Variants in SLIT1 observed in about 807,000 individuals in gnomAD.
SLIT1 encodes the protein slit homolog 1 protein.
A neutral mutation model predicts 186.1 loss-of-function variants in SLIT1; 66 were observed. That is an observed-to-expected ratio of 0.35 (90% CI 0.29 to 0.44). The LOEUF (loss-of-function observed/expected upper bound fraction) is 0.44. SLIT1 is among the 20% of genes least tolerant of loss of function. The pLI, the probability that SLIT1 is intolerant of heterozygous loss-of-function variation, is 1.00. For missense variants in SLIT1, 1,638 were observed against 2,037.4 expected, an observed-to-expected ratio of 0.80 and a Z score of 3.77; for synonymous variants, 761 against 833.8, an observed-to-expected ratio of 0.91 and a Z score of 1.50.
chr10:97,097,570 A>G (rs1849304984), intron 4 of SLIT1, among the ~76,000 whole-genome samples: 1 of 152,244 alleles, frequency 6.6e-6, no homozygotes, highest in South Asian at 2.1e-4. Flanking sequence ...TTCTTTCTTT[A>G]TCAAAGACGT....
chr10:97,090,388 TGGGC>T (rs1372322652), intron 4 of SLIT1, among the ~76,000 whole-genome samples: 2 of 148,988 alleles, frequency 1.3e-5, no homozygotes, highest in Non-Finnish European at 3.0e-5. Flanking sequence ...GGCCGTGAGG[TGGGC>T]AAGAGCTGGA....
At chr10:97,069,498 C>T (rs1848983085) in intron 4 of SLIT1, among the ~76,000 whole-genome samples, 1 of 152,192 alleles carries the variant, frequency 6.6e-6, no homozygotes, top group Non-Finnish European at 1.5e-5. Context: ...GTGTACATGC[C>T]AGCTTTCAAC....
chr10:97,002,466 C>T (rs1233814765), intron 35 of SLIT1, 97 bp from the exon 36 acceptor site: 26 of 960,622 alleles, frequency 2.7e-5, no homozygotes, highest in Non-Finnish European at 3.6e-5. Context: ...CCACCCAGCC[C>T]TGACTTCACA....
At chr10:97,042,875 C>T in intron 20 of SLIT1, 26 bp downstream of exon 20, 1 of 1,609,516 alleles carries the variant, frequency 6.2e-7, no homozygotes, top group Non-Finnish European at 8.5e-7. Context: ...CGCCCTCTCC[C>T]TTGCCACCGG....
chr10:97,064,694 G>T, intron 6 of SLIT1, 111 bp downstream of exon 6: 1 of 730,362 alleles, frequency 1.4e-6, no homozygotes, highest in Non-Finnish European at 2.3e-6. Context: ...TTCTAGGAGG[G>T]CAGGTCTCTC....
intron 4 of SLIT1, among the ~76,000 whole-genome samples, chr10:97,071,205 T>C (rs1848998249): frequency 1.3e-5 from 2 of 151,648 alleles, no homozygotes; most frequent in Non-Finnish European, 2.9e-5. Context: ...AAAGACGGGG[T>C]CTGGGGAGAA....
rs1024486445 is a variant in SLIT1 at position 97,048,881 on chromosome 10, G to A, written c.1465+74C>T. ...TGGGCAGGTGGGCAGGTATGCAGGT[G>A]GACAAGTAGGCCGGTGGGCAGGTGG... On this transcript the variant is annotated intron_variant, in intron 14 of 36. Transcript: ENST00000266058. 6.7e-6 allele frequency: 8 copies of A among 1,197,994 alleles called. No homozygotes were observed. The African/African-American group carries it at 8.0e-5, about 12-fold the overall frequency. 74.2% of individuals were successfully genotyped at this position (1,197,994 alleles called of 1,614,324 possible). A position where few individuals can be genotyped will look rare whatever the true frequency, so the allele number is the denominator to read the frequency against.
intron 4 of SLIT1, among the ~76,000 whole-genome samples, chr10:97,142,622 A>C (rs1849777860): frequency 6.6e-6 from 1 of 152,236 alleles, no homozygotes; most frequent in Admixed American, 6.5e-5. Context: ...GACAAATGAG[A>C]CTACATCAAA....
chr10:97,043,532 G>A lies in SLIT1; in HGVS notation c.1854-19C>T, dbSNP rs746707631. On this transcript the variant is annotated intron_variant, in intron 18 of 36. Coordinates refer to ENST00000266058, the MANE Select transcript of SLIT1 (RefSeq NM_003061.3). The surrounding 1 kb of genome is among the most constrained non-coding windows in gnomAD (Gnocchi z 7.0). ...CAGCATTCTGGGGAGGAACGGGGGA[G>A]GGAGGAGGGGACCCTTGCTGCCCTG... The A allele has an allele frequency of 6.2e-7, 1 of 1,608,596 alleles. No individual in the cohort carries two copies. The highest frequency in any genetic ancestry group is 1.1e-5 in the South Asian group (1 of 90,512).
chr10:97,144,146 C>T (rs926216618), intron 4 of SLIT1, among the ~76,000 whole-genome samples: 3 of 151,454 alleles, frequency 2.0e-5, no homozygotes, highest in Non-Finnish European at 4.4e-5. Context: ...TGCAGTGAGC[C>T]GAGATAGCAC....
chr10:97,094,118 A>G (rs575791186), intron 4 of SLIT1, among the ~76,000 whole-genome samples: 1 of 152,354 alleles, frequency 6.6e-6, no homozygotes, highest in South Asian at 2.1e-4. Context: ...CCCTGCCCCC[A>G]GAGGACCTCC....
intron 4 of SLIT1, among the ~76,000 whole-genome samples, chr10:97,087,952 C>T (rs1849184258): frequency 1.3e-5 from 2 of 152,068 alleles, no homozygotes; most frequent in Admixed American, 1.3e-4. Context: ...AATGCAGAAT[C>T]GCACCCAGCC....
intron 1 of SLIT1, among the ~76,000 whole-genome samples, chr10:97,169,363 T>G (rs1824360191): frequency 6.6e-6 from 1 of 152,222 alleles, no homozygotes; most frequent in African/African-American, 2.4e-5. Context: ...CCACTTAGGC[T>G]GAGAAAGTGA....
chr10:97,012,795 G>A (rs1158039701), intron 30 of SLIT1, among the ~76,000 whole-genome samples: 1 of 152,156 alleles, frequency 6.6e-6, no homozygotes, highest in East Asian at 1.9e-4. Flanking sequence ...CTAGACAGGG[G>A]GCTCCTGGGG....
chr10:97,041,662 G>C (rs930793394), intron 20 of SLIT1, among the ~76,000 whole-genome samples: 2 of 152,096 alleles, frequency 1.3e-5, no homozygotes, highest in South Asian at 4.1e-4. Flanking sequence ...AGTAAAGAGA[G>C]GGTTTCAGCA....
At chr10:97,148,562 G>A (rs1310629356) in intron 4 of SLIT1, among the ~76,000 whole-genome samples, 1 of 152,120 alleles carries the variant, frequency 6.6e-6, no homozygotes, top group Non-Finnish European at 1.5e-5. Flanking sequence ...TTATAAGCGT[G>A]AGCCACCATG....
intron 4 of SLIT1, among the ~76,000 whole-genome samples, chr10:97,152,726 C>G (rs2134714465): frequency 6.6e-6 from 1 of 152,302 alleles, no homozygotes; most frequent in African/African-American, 2.4e-5. Context: ...ATCTGAGACA[C>G]AGAAGAGAAA....
intron 1 of SLIT1, among the ~76,000 whole-genome samples, chr10:97,166,557 A>G (rs57202907): frequency 0.037 from 2,047 of 55,158 alleles, 168 homozygotes; most frequent in Non-Finnish European, 0.046. Flanking sequence ...GAAGGAAGGA[A>G]AGAGAGAGAG....
At position 97,004,550 on chromosome 10, in the gene SLIT1, A is replaced by G; in HGVS notation, c.3710+143T>C. On this transcript the variant is annotated intron_variant, in intron 33 of 36. Transcript: ENST00000266058. This position sits in a 1 kb window ranked among gnomAD's most constrained non-coding sequence, Gnocchi z 5.1. ...GAGACCTCAGCCCCAAGCTGGGGCT[A>G]ACCCAGATGGTTCAAGTGTCCTTCA... The G allele has an allele frequency of 1.0e-6, 1 of 996,814 alleles. No individual in the cohort carries two copies. Among genetic ancestry groups the G allele is most frequent in the South Asian group, 1.5e-5 (1 of 66,528 alleles). The allele number at this position is 996,814 out of a possible 1,614,324, so 61.7% of individuals were successfully genotyped here.
Sources: gnomAD v4.1 joint callset for allele counts (sites outside exome capture counted in the v4.1 genomes callset) on GRCh38, gnomAD v4.1.1 for gene constraint, Gnocchi (gnomAD v3.1) non-coding constraint, MANE v1.5 for transcripts, NCBI Gene and HGNC (gene_info 2026-07-23, HGNC 2026-07-21) for gene names.